CNIH3: variants seen among roughly 807,000 people sequenced by gnomAD.
The protein encoded by CNIH3 is cornichon family AMPA receptor auxiliary protein 3.
A neutral mutation model predicts 24.1 loss-of-function variants in CNIH3; 14 were observed. The observed-to-expected ratio is 0.58, with a 90% confidence interval of 0.38 to 0.91. CNIH3 has a LOEUF of 0.91. Among genes scored for constraint, CNIH3 ranks in the 40% least tolerant of loss-of-function variants. The probability of loss-of-function intolerance (pLI) is 0.00; values close to 1 mark genes in which losing one functional copy is unlikely to be tolerated. For missense variants in CNIH3, 178 were observed against 196.8 expected (o/e 0.90, Z 0.57); for synonymous variants, 68 against 73.8 (o/e 0.92, Z 0.40).
At chr1:224,662,548 C>T (rs1685415675) in intron 1 of CNIH3, among the ~76,000 whole-genome samples, 1 of 151,952 alleles carries the variant, frequency 6.6e-6, no homozygotes, top group African/African-American at 2.4e-5. Flanking sequence ...AATATAAAAC[C>T]CAGAAAAAAT....
At chr1:224,705,540 TG>T (rs1687735756) in intron 3 of CNIH3, among the ~76,000 whole-genome samples, 1 of 152,216 alleles carries the variant, frequency 6.6e-6, no homozygotes, top group African/African-American at 2.4e-5. Flanking sequence ...CCCTCCCTCC[TG>T]GGATCCCCTG....
downstream of CNIH3, among the ~76,000 whole-genome samples, chr1:224,591,979 C>T (rs1681775041): frequency 6.6e-6 from 1 of 152,170 alleles, no homozygotes; most frequent in Admixed American, 6.5e-5. Context: ...TAATTATAAA[C>T]CACTTTTGTG....
chr1:224,634,040 T>C (rs781393377), intron 1 of CNIH3, among the ~76,000 whole-genome samples: 14 of 152,208 alleles, frequency 9.2e-5, no homozygotes, highest in Admixed American at 2.0e-4. Flanking sequence ...GTGGGGAGGA[T>C]GGATTTGCTG....
chr1:224,560,756 A>G (rs1680336591), intron 3 of CNIH3, among the ~76,000 whole-genome samples: 3 of 152,116 alleles, frequency 2.0e-5, no homozygotes, highest in Non-Finnish European at 4.4e-5. Flanking sequence ...TGAGTTGAAT[A>G]ATTACTTCAT....
intron 2 of CNIH3, among the ~76,000 whole-genome samples, chr1:224,683,257 A>G (rs2125147267): frequency 6.6e-6 from 1 of 152,362 alleles, no homozygotes; most frequent in East Asian, 1.9e-4. Flanking sequence ...TATGAAGCTC[A>G]TGGACAGAAT....
chr1:224,596,717 A>T (rs1051086343), intron 3 of CNIH3, among the ~76,000 whole-genome samples: 1 of 152,222 alleles, frequency 6.6e-6, no homozygotes, highest in African/African-American at 2.4e-5. Context: ...AATGACTAAA[A>T]CAAGAAGAAT....
chr1:224,614,739 G>C (rs1391294903), upstream of CNIH3, among the ~76,000 whole-genome samples: 1 of 151,958 alleles, frequency 6.6e-6, no homozygotes, highest in Non-Finnish European at 1.5e-5. Flanking sequence ...ACGAGGTCAA[G>C]AGATCGAGAC....
chr1:224,729,910 G>A (rs774339886), intron 3 of CNIH3, among the ~76,000 whole-genome samples: 8 of 152,060 alleles, frequency 5.3e-5, no homozygotes, highest in African/African-American at 1.4e-4. Flanking sequence ...TTTTTCTCGC[G>A]TTCCTCTTGC....
At chr1:224,507,023 C>T (rs893066125) in intron 1 of CNIH3, among the ~76,000 whole-genome samples, 17 of 152,120 alleles carry the variant, frequency 1.1e-4, no homozygotes, top group African/African-American at 3.4e-4. Flanking sequence ...GCCACCACAC[C>T]TGGCTAATTT....
chr1:224,697,306 G>A lies in CNIH3; in HGVS notation c.198+12463G>A, dbSNP rs1196159992. Among the ~76,000 whole-genome samples the A allele has an allele frequency of 3.3e-5, 5 of 152,058 alleles. No homozygotes were observed. In the South Asian group the frequency reaches 8.3e-4, roughly 25 times the overall value. ...TAAAAAATCCTGCTGCCTTTGTCCCGCCCCCCGGAATTTCTGAAGTGCAGC... is the reference window on the plus strand; with the variant it reads ...TAAAAAATCCTGCTGCCTTTGTCCCACCCCCCGGAATTTCTGAAGTGCAGC... On this transcript the variant is annotated intron_variant, in intron 3 of 5. Transcript: ENST00000272133.
chr1:224,495,800 G>A (rs891771736), intron 1 of CNIH3, among the ~76,000 whole-genome samples: 15 of 152,058 alleles, frequency 9.9e-5, no homozygotes, highest in Admixed American at 3.9e-4. Context: ...CAAGAGGAGC[G>A]GGCTGAGTGT....
At chr1:224,449,679 A>G (rs16848365) in intron 1 of CNIH3, among the ~76,000 whole-genome samples, 42,851 of 151,974 alleles carry the variant, frequency 0.28, 7,524 homozygotes, top group African/African-American at 0.49. Flanking sequence ...TTTATAAAGC[A>G]TGAAACCATT....
At chr1:224,727,436 G>C (rs1215477332) in intron 3 of CNIH3, among the ~76,000 whole-genome samples, 1 of 152,128 alleles carries the variant, frequency 6.6e-6, no homozygotes, top group Non-Finnish European at 1.5e-5. Flanking sequence ...AATGCTTTTT[G>C]CTTTGTCAGA....
chr1:224,529,098 C>T (rs1678961208), intron 2 of CNIH3: 1 of 152,222 alleles, frequency 6.6e-6, no homozygotes, highest in African/African-American at 2.4e-5. Context: ...TCCCTGCTCC[C>T]ACCGGAAATG....
intron 3 of CNIH3, among the ~76,000 whole-genome samples, chr1:224,605,502 C>T (rs151088568): frequency 6.6e-6 from 1 of 152,166 alleles, no homozygotes; most frequent in African/African-American, 2.4e-5. Flanking sequence ...AATGAAAGGC[C>T]ACCAAGTTAG....
At position 224,475,184 on chromosome 1, in the gene CNIH3, G is replaced by A. The variant is rs371494060; in HGVS notation, n.203+40322G>A. Among the ~76,000 whole-genome samples the A allele has an allele frequency of 1.9e-3, 280 of 148,924 alleles. 1 individual carries two copies. The highest frequency in any genetic ancestry group is 6.6e-3 in the African/African-American group (268 of 40,586). ...ATCCTGGCTAACATGGTGAAACCCC[G>A]TCTTTACTAAAACTACAGAAAATTA... On this transcript the variant is annotated intron_variant and non_coding_transcript_variant, in intron 1 of 5. Coordinates refer to the CNIH3 transcript ENST00000471578.
At chr1:224,475,392 G>A (rs1378779074) in intron 1 of CNIH3, among the ~76,000 whole-genome samples, 2 of 151,272 alleles carry the variant, frequency 1.3e-5, no homozygotes, top group African/African-American at 2.4e-5. Flanking sequence ...GAAAATCAGA[G>A]ATGACAAGGG....
intron 1 of CNIH3, among the ~76,000 whole-genome samples, chr1:224,675,569 A>G (rs1017830737): frequency 8.5e-5 from 13 of 152,274 alleles, no homozygotes; most frequent in Admixed American, 8.5e-4. Flanking sequence ...CAAATTACAT[A>G]TTTGACAAGG....
chr1:224,678,972 T>A (rs1686268395), intron 1 of CNIH3, among the ~76,000 whole-genome samples: 1 of 152,068 alleles, frequency 6.6e-6, no homozygotes, highest in Non-Finnish European at 1.5e-5. Context: ...TAACTACTAC[T>A]CAACCCTGCC....
Sources: allele counts gnomAD v4.1 joint callset (sites outside exome capture counted in the v4.1 genomes callset), GRCh38; gene constraint gnomAD v4.1.1; transcripts MANE v1.5; gene names NCBI Gene and HGNC (gene_info 2026-07-23, HGNC 2026-07-21).